Variants in CNTNAP5 observed in about 807,000 individuals in gnomAD.
CNTNAP5 encodes the protein contactin associated protein family member 5, also known as contactin-associated protein-like 5.
In CNTNAP5, 72 loss-of-function variants were observed where a neutral mutation model predicts 150.2. The ratio of observed to expected loss-of-function variants is 0.48; its 90% CI spans 0.40 to 0.58. The LOEUF (loss-of-function observed/expected upper bound fraction) is 0.58. Among genes scored for constraint, CNTNAP5 ranks in the 20% least tolerant of loss-of-function variants. CNTNAP5 has a pLI of 0.00. For synonymous variants in CNTNAP5, 672 were observed against 619.8 expected (o/e 1.08, Z -1.25); for missense variants, 1,636 against 1,626.2 (o/e 1.01, Z -0.10).
At chr2:124,885,717 A>G (rs942105819) in intron 21 of CNTNAP5, among the ~76,000 whole-genome samples, 1 of 151,878 alleles carries the variant, frequency 6.6e-6, no homozygotes, top group Non-Finnish European at 1.5e-5. Context: ...GAACCATACA[A>G]TTTGTCACAT....
intron 13 of CNTNAP5, among the ~76,000 whole-genome samples, chr2:124,712,496 G>C (rs1010552452): frequency 6.6e-6 from 1 of 152,206 alleles, no homozygotes; most frequent in African/African-American, 2.4e-5. Flanking sequence ...GGTTTTATTA[G>C]CATGACAGAA....
chr2:124,540,520 C>A (rs1504005), intron 10 of CNTNAP5, among the ~76,000 whole-genome samples: 63,385 of 152,018 alleles, frequency 0.42, 13,699 homozygotes, highest in East Asian at 0.64. Flanking sequence ...CATTTATGAA[C>A]ATTTCCTTGC....
intron 1 of CNTNAP5, among the ~76,000 whole-genome samples, chr2:124,218,271 A>G (rs979457950): frequency 2.0e-5 from 3 of 152,176 alleles, no homozygotes; most frequent in Non-Finnish European, 2.9e-5. Context: ...ATAATGGAAC[A>G]TTAGGCAAAA....
chr2:124,497,301 A>G (rs568755496), intron 7 of CNTNAP5, among the ~76,000 whole-genome samples: 1 of 152,304 alleles, frequency 6.6e-6, no homozygotes, highest in African/African-American at 2.4e-5. Context: ...CCAATGTTTG[A>G]CTAGAGGTAT....
At chr2:124,661,540 C>T (rs944051538) in intron 13 of CNTNAP5, among the ~76,000 whole-genome samples, 3 of 146,322 alleles carry the variant, frequency 2.1e-5, no homozygotes, top group Admixed American at 6.9e-5. Flanking sequence ...GGAATTCCCC[C>T]GAAGGGCCTG....
intron 13 of CNTNAP5, among the ~76,000 whole-genome samples, chr2:124,677,951 C>T (rs2105065458): frequency 6.6e-6 from 1 of 152,070 alleles, no homozygotes; most frequent in South Asian, 2.1e-4. Flanking sequence ...AGTGGGCTGA[C>T]CTGGCTAAAA....
chr2:124,797,515 T>C (rs986262302), intron 18 of CNTNAP5, among the ~76,000 whole-genome samples: 5 of 152,240 alleles, frequency 3.3e-5, no homozygotes, highest in African/African-American at 9.6e-5. Flanking sequence ...GTTGGAGACC[T>C]ATGTCTTTTC....
At chr2:124,445,150 C>T (rs900962869) in intron 5 of CNTNAP5, among the ~76,000 whole-genome samples, 4 of 148,158 alleles carry the variant, frequency 2.7e-5, no homozygotes, top group East Asian at 2.0e-4. Context: ...AGTGCAGTGG[C>T]GCGATCTCAG....
chr2:124,297,825 A>G (rs1427664928), intron 3 of CNTNAP5, among the ~76,000 whole-genome samples: 3 of 89,290 alleles, frequency 3.4e-5, no homozygotes, highest in African/African-American at 1.2e-4. Flanking sequence ...TATTATTATT[A>G]TTATTATTAT....
At chr2:124,834,993 T>A (rs1478944133) in intron 19 of CNTNAP5, among the ~76,000 whole-genome samples, 2 of 151,582 alleles carry the variant, frequency 1.3e-5, no homozygotes, top group Non-Finnish European at 2.9e-5. Flanking sequence ...AATAATAATA[T>A]ATATTTTGAA....
chr2:124,295,513 A>T (rs1408982676), intron 3 of CNTNAP5, among the ~76,000 whole-genome samples: 1 of 152,250 alleles, frequency 6.6e-6, no homozygotes, highest in African/African-American at 2.4e-5. Context: ...TGACCATTGA[A>T]TAGGTCTGGG....
At chr2:124,911,439 A>G (rs1226288982) in intron 22 of CNTNAP5, 28 bp from the exon 23 acceptor site, 13 of 1,544,620 alleles carry the variant, frequency 8.4e-6, no homozygotes, top group Admixed American at 1.9e-5. Context: ...AGTGAGAAGT[A>G]AAGTCCCATG....
At chr2:124,860,106 C>T (rs1221244046) in intron 19 of CNTNAP5, among the ~76,000 whole-genome samples, 1 of 151,930 alleles carries the variant, frequency 6.6e-6, no homozygotes, top group African/African-American at 2.4e-5. Flanking sequence ...AATCCCAGCA[C>T]CTTGGGAGGC....
intron 14 of CNTNAP5, among the ~76,000 whole-genome samples, chr2:124,753,237 A>C (rs1309872225): frequency 5.3e-5 from 8 of 152,184 alleles, no homozygotes; most frequent in Non-Finnish European, 1.0e-4. Context: ...AGAATAGAAT[A>C]TTTTTATGGG....
intron 10 of CNTNAP5, among the ~76,000 whole-genome samples, chr2:124,541,028 C>G (rs1695369443): frequency 6.6e-6 from 1 of 152,034 alleles, no homozygotes; most frequent in Non-Finnish European, 1.5e-5. Context: ...TCGCTGCAAA[C>G]TTTTCTCAGT....
chr2:124,026,344 C>T (rs959972824), intron 1 of CNTNAP5, among the ~76,000 whole-genome samples: 4 of 152,166 alleles, frequency 2.6e-5, no homozygotes, highest in Admixed American at 1.3e-4. Flanking sequence ...GGAGGAAGAG[C>T]TTTGATGCAT....
intron 1 of CNTNAP5, among the ~76,000 whole-genome samples, chr2:124,132,554 T>C (rs936934654): frequency 5.3e-5 from 8 of 152,262 alleles, no homozygotes; most frequent in Middle Eastern, 3.4e-3. Flanking sequence ...AGATCAGCAA[T>C]TTAGTTAACA....
chr2:124,107,902 T>C (rs773617977), intron 1 of CNTNAP5, among the ~76,000 whole-genome samples: 11 of 152,224 alleles, frequency 7.2e-5, no homozygotes, highest in Admixed American at 5.9e-4. Context: ...TTCTGTCTGG[T>C]AGCTGGGACA....
chr2:124,712,622 C>A (rs1371950180), intron 13 of CNTNAP5, among the ~76,000 whole-genome samples: 1 of 152,144 alleles, frequency 6.6e-6, no homozygotes, highest in Non-Finnish European at 1.5e-5. Context: ...GTTTTAGAGG[C>A]TGGGAAGTCC....
Sources: gnomAD v4.1 joint callset for allele counts (sites outside exome capture counted in the v4.1 genomes callset) on GRCh38, gnomAD v4.1.1 for gene constraint, MANE v1.5 for transcripts, NCBI Gene and HGNC (gene_info 2026-07-23, HGNC 2026-07-21) for gene names.